STPG4: variants seen among roughly 807,000 people sequenced by gnomAD.
STPG4 encodes protein STPG4.
STPG4 carries 41 observed loss-of-function variants against 31.5 expected under a neutral mutation model. The ratio of observed to expected loss-of-function variants is 1.30; its 90% CI spans 1.01 to 1.69. The LOEUF is 1.69. Ranked by LOEUF, STPG4 falls within the 40% of genes most tolerant of loss-of-function variation. The pLI is 0.00. For synonymous variants in STPG4, 141 were observed against 103.0 expected, an observed-to-expected ratio of 1.37 and a Z score of -2.24; for missense variants, 375 against 293.4, an observed-to-expected ratio of 1.28 and a Z score of -2.03.
chr2:47,117,328 C>T (rs1056586879), intron 5 of STPG4, among the ~76,000 whole-genome samples: 1 of 152,128 alleles, frequency 6.6e-6, no homozygotes, highest in Admixed American at 6.6e-5. Flanking sequence ...TCCTGCCTCA[C>T]CCTCCCGAGT....
chr2:47,141,698 C>T (rs1185664564), intron 3 of STPG4, among the ~76,000 whole-genome samples: 1 of 151,962 alleles, frequency 6.6e-6, no homozygotes, highest in Non-Finnish European at 1.5e-5. Context: ...CTCTTGGGTT[C>T]TCAGAGTGAC....
chr2:47,133,432 G>A (rs1686528131), intron 3 of STPG4, among the ~76,000 whole-genome samples: 1 of 152,082 alleles, frequency 6.6e-6, no homozygotes, highest in East Asian at 1.9e-4. Flanking sequence ...TTCCCTAAGT[G>A]CTCAGATTAT....
chr2:47,134,227 A>G (rs1013266967), intron 3 of STPG4, among the ~76,000 whole-genome samples: 1 of 152,226 alleles, frequency 6.6e-6, no homozygotes, highest in Non-Finnish European at 1.5e-5. Context: ...CTCAAAGTCC[A>G]TATGTTACAT....
At chr2:47,107,643 A>G (rs1483197654) in intron 5 of STPG4, among the ~76,000 whole-genome samples, 1 of 152,102 alleles carries the variant, frequency 6.6e-6, no homozygotes, top group Non-Finnish European at 1.5e-5. Context: ...TCCCATCGAC[A>G]CCCAAGGGCT....
At chr2:47,107,317 C>G (rs575524171) in intron 5 of STPG4, among the ~76,000 whole-genome samples, 9 of 152,142 alleles carry the variant, frequency 5.9e-5, no homozygotes, top group African/African-American at 2.2e-4. Context: ...GCGCGTGGTG[C>G]TTGCGGGCCA....
chr2:47,122,291 T>A (rs368353090), intron 5 of STPG4, among the ~76,000 whole-genome samples: 2 of 152,352 alleles, frequency 1.3e-5, no homozygotes, highest in African/African-American at 2.4e-5. Context: ...CATTTGCCTG[T>A]TAACTTTGTT....
At chr2:47,091,016 C>A (rs1309855100) in intron 5 of STPG4, among the ~76,000 whole-genome samples, 2 of 152,010 alleles carry the variant, frequency 1.3e-5, no homozygotes, top group Admixed American at 6.6e-5. Flanking sequence ...CAAATACATT[C>A]TAATTTAAAA....
At chr2:47,143,788 AC>A (rs1391783297) in intron 3 of STPG4, among the ~76,000 whole-genome samples, 1 of 151,682 alleles carries the variant, frequency 6.6e-6, no homozygotes, top group Non-Finnish European at 1.5e-5. Context: ...GTGTCTGGCC[AC>A]CCTTTGCTCA....
intron 5 of STPG4, among the ~76,000 whole-genome samples, chr2:47,113,950 C>T (rs372925493): frequency 8.6e-5 from 13 of 151,334 alleles, no homozygotes; most frequent in African/African-American, 2.7e-4. Context: ...AGGAGAATGG[C>T]GTGAACCCAG....
intron 5 of STPG4, among the ~76,000 whole-genome samples, chr2:47,115,758 T>C (rs1193180452): frequency 6.7e-6 from 1 of 149,988 alleles, no homozygotes; most frequent in South Asian, 2.1e-4. Flanking sequence ...GTTCAAGCGA[T>C]TCTTCTGTCT....
intron 5 of STPG4, among the ~76,000 whole-genome samples, chr2:47,103,608 A>C (rs1685844476): frequency 6.6e-6 from 1 of 151,942 alleles, no homozygotes; most frequent in Non-Finnish European, 1.5e-5. Context: ...GCTTGTTATC[A>C]GTGTGGTTTA....
chr2:47,130,373 C>T, intron 3 of STPG4, 113 bp from the exon 4 acceptor site: 2 of 829,246 alleles, frequency 2.4e-6, no homozygotes, highest in Non-Finnish European at 3.9e-6. Flanking sequence ...ATAATTCCTT[C>T]TTTACTTTAA....
intron 3 of STPG4, among the ~76,000 whole-genome samples, 161 bp downstream of exon 3, chr2:47,151,097 T>C (rs1011054913): frequency 2.0e-5 from 3 of 152,128 alleles, no homozygotes; most frequent in Admixed American, 2.0e-4. Flanking sequence ...ACTGGAAACA[T>C]TTGCAAATCA....
At chr2:47,138,776 TTGACCTTG>T (rs966388976) in intron 3 of STPG4, among the ~76,000 whole-genome samples, 2 of 152,088 alleles carry the variant, frequency 1.3e-5, no homozygotes, top group African/African-American at 4.8e-5. Context: ...TCTCGATCTC[TTGACCTTG>T]TGATCTGCCT....
chr2:47,153,619 G>A (rs752388660), intron 1 of STPG4, among the ~76,000 whole-genome samples: 3 of 152,156 alleles, frequency 2.0e-5, no homozygotes, highest in East Asian at 1.9e-4. Context: ...GCTGGGCATG[G>A]TGGCACATGC....
chr2:47,133,501 A>G (rs1318250552), intron 3 of STPG4, among the ~76,000 whole-genome samples: 1 of 150,180 alleles, frequency 6.7e-6, no homozygotes, highest in Non-Finnish European at 1.5e-5. Flanking sequence ...GAATCTAGGC[A>G]AGATGCCAGT....
chr2:47,113,230 C>A (rs1366849714), intron 5 of STPG4, among the ~76,000 whole-genome samples: 4 of 152,102 alleles, frequency 2.6e-5, no homozygotes, highest in Non-Finnish European at 5.9e-5. Flanking sequence ...GACGAACTAC[C>A]TCATTTGATG....
At chr2:47,153,125 T>TA (rs755083406) in intron 1 of STPG4, 109 bp from the exon 2 acceptor site, 1 of 650,606 alleles carries the variant, frequency 1.5e-6, no homozygotes, top group Non-Finnish European at 2.6e-6. Context: ...ACCCAACTGA[T>TA]ATGTCTTCAT....
At chr2:47,092,563 G>C (rs1236827294) in intron 5 of STPG4, among the ~76,000 whole-genome samples, 1 of 110,168 alleles carries the variant, frequency 9.1e-6, no homozygotes, top group African/African-American at 3.5e-5. Flanking sequence ...GGAGGGGAGG[G>C]AGAAGGGGAG....
Sources: allele counts gnomAD v4.1 joint callset (sites outside exome capture counted in the v4.1 genomes callset), GRCh38; gene constraint gnomAD v4.1.1; transcripts MANE v1.5; gene names NCBI Gene and HGNC (gene_info 2026-07-23, HGNC 2026-07-21).